Variants in PTPRK observed in about 807,000 individuals in gnomAD.
PTPRK encodes protein tyrosine phosphatase receptor type K, also known as receptor-type tyrosine-protein phosphatase kappa.
PTPRK carries 75 observed loss-of-function variants against 178.0 expected under a neutral mutation model. That is an observed-to-expected ratio of 0.42 (90% CI 0.35 to 0.51). The LOEUF (loss-of-function observed/expected upper bound fraction) is 0.51, where lower values mean the gene tolerates loss of function less well. Among genes scored for constraint, PTPRK ranks in the 20% least tolerant of loss-of-function variants. PTPRK has a pLI of 0.02. For synonymous variants in PTPRK, 637 were observed against 620.6 expected (o/e 1.03, Z -0.39); for missense variants, 1,441 against 1,797.8 (o/e 0.80, Z 3.59).
At chr6:128,232,502 C>T (rs187475533) in intron 5 of PTPRK, among the ~76,000 whole-genome samples, 1 of 152,274 alleles carries the variant, frequency 6.6e-6, no homozygotes, top group Admixed American at 6.5e-5. Flanking sequence ...CCTCCTGGAG[C>T]AGCTCATTGT....
Position 127,996,991 on chromosome 6 carries a change from G to A in PTPRK, c.2680-3C>T. On this transcript the variant is annotated splice_polypyrimidine_tract_variant and splice_region_variant and intron_variant, in intron 16 of 29. Coordinates refer to ENST00000368226, the MANE Select transcript of PTPRK (RefSeq NM_002844.4). ...GCTGACTGTCCTTCAAAAAAGCTCTGGGAAAACAAAACGAATAAGCAGACT... is the reference window on the plus strand; with the variant it reads ...GCTGACTGTCCTTCAAAAAAGCTCTAGGAAAACAAAACGAATAAGCAGACT... 1 of 1,610,356 alleles carries A rather than the reference G, an allele frequency of 6.2e-7. No individual in the cohort carries two copies. The highest frequency in any genetic ancestry group is 8.5e-7 in the Non-Finnish European group (1 of 1,177,974).
At chr6:128,447,550 C>T (rs1010353449) in intron 1 of PTPRK, among the ~76,000 whole-genome samples, 4 of 151,850 alleles carry the variant, frequency 2.6e-5, no homozygotes, top group African/African-American at 9.7e-5. Flanking sequence ...AGATCTGACC[C>T]ATGCTTAATC....
chr6:128,189,880 A>G (rs555454352), intron 6 of PTPRK, among the ~76,000 whole-genome samples: 1 of 152,310 alleles, frequency 6.6e-6, no homozygotes, highest in African/African-American at 2.4e-5. Context: ...GGAAGAAGAA[A>G]GACATCATTG....
chr6:128,155,925 G>A (rs1449457370), intron 7 of PTPRK, among the ~76,000 whole-genome samples: 2 of 151,842 alleles, frequency 1.3e-5, no homozygotes, highest in Non-Finnish European at 2.9e-5. Context: ...TAAAAATATT[G>A]GGAAGCATTC....
rs1289183103 is a variant in PTPRK at position 127,985,768 on chromosome 6, G to C, written c.3204C>G (p.Val1068=). The C allele has an allele frequency of 1.9e-6, 3 of 1,613,926 alleles. No individual in the cohort carries two copies. Among genetic ancestry groups the C allele is most frequent in the Non-Finnish European group, 2.5e-6 (3 of 1,179,886 alleles). ...CAGCACTGGGAGGGTTTGATAACTTGACTCGCCGGATAAAGGAAAGCAGCC... is the reference window on the plus strand; with the variant it reads ...CAGCACTGGGAGGGTTTGATAACTTCACTCGCCGGATAAAGGAAAGCAGCC... ...ATGLLSFIRR[V]KLSNPPSAGP... is the part of the protein sequence containing the mutation. The change falls in exon 22 of 30, where the codon GTC becomes GTG. Residue 1068 remains valine, a synonymous_variant. Transcript: ENST00000368226.
chr6:128,377,975 A>G (rs1837339919), intron 2 of PTPRK, among the ~76,000 whole-genome samples: 1 of 152,082 alleles, frequency 6.6e-6, no homozygotes, highest in Non-Finnish European at 1.5e-5. Flanking sequence ...GCTCTGCTTA[A>G]CTCCAATATA....
At chr6:128,004,977 T>C in intron 15 of PTPRK, 107 bp downstream of exon 15, 1 of 913,356 alleles carries the variant, frequency 1.1e-6, no homozygotes, top group Non-Finnish European at 1.6e-6. Context: ...TCTAGCTGCT[T>C]CTCCCCTCAC....
At chr6:128,333,088 T>C (rs17055730) in intron 2 of PTPRK, among the ~76,000 whole-genome samples, 5,740 of 152,172 alleles carry the variant, frequency 0.038, 379 homozygotes, top group African/African-American at 0.13. Context: ...CAAAAGGCAA[T>C]AAAGGCTTTG....
intron 11 of PTPRK, among the ~76,000 whole-genome samples, chr6:128,075,484 A>T (rs1783642323): frequency 6.6e-6 from 1 of 151,974 alleles, no homozygotes; most frequent in Non-Finnish European, 1.5e-5. Context: ...ACCTTTGGCC[A>T]TGCTCATTTC....
chr6:128,444,182 A>G (rs947920775), intron 1 of PTPRK, among the ~76,000 whole-genome samples: 3 of 152,136 alleles, frequency 2.0e-5, no homozygotes, highest in Non-Finnish European at 4.4e-5. Flanking sequence ...AGGCTCTTCT[A>G]AGCCCATTTC....
chr6:128,516,173 GA>G (rs748481803), intron 1 of PTPRK, among the ~76,000 whole-genome samples: 4 of 152,092 alleles, frequency 2.6e-5, no homozygotes, highest in Non-Finnish European at 5.9e-5. Flanking sequence ...GTTTTTGCTA[GA>G]AAAGAGTAGG....
At chr6:128,202,327 T>G (rs2128258765) in intron 6 of PTPRK, among the ~76,000 whole-genome samples, 1 of 152,298 alleles carries the variant, frequency 6.6e-6, no homozygotes, top group East Asian at 1.9e-4. Flanking sequence ...CGTAAATATT[T>G]GCAACCTGCA....
At chr6:128,011,174 A>C (rs913872095) in intron 13 of PTPRK, among the ~76,000 whole-genome samples, 1 of 151,248 alleles carries the variant, frequency 6.6e-6, no homozygotes, top group African/African-American at 2.4e-5. Context: ...TACTACTTCA[A>C]ATAGGAAGAG....
intron 13 of PTPRK, among the ~76,000 whole-genome samples, chr6:128,033,323 T>C (rs987955856): frequency 6.6e-6 from 1 of 152,194 alleles, no homozygotes; most frequent in African/African-American, 2.4e-5. Context: ...GTGAAAGTTA[T>C]TGAAGTCAGA....
chr6:128,175,386 A>T (rs1160647479), intron 7 of PTPRK, among the ~76,000 whole-genome samples: 2 of 151,870 alleles, frequency 1.3e-5, no homozygotes, highest in Non-Finnish European at 1.5e-5. Flanking sequence ...AGTTATGTGG[A>T]AAAAAGGTAC....
intron 2 of PTPRK, among the ~76,000 whole-genome samples, chr6:128,376,486 A>G (rs1449906152): frequency 6.6e-6 from 1 of 152,174 alleles, no homozygotes; most frequent in Non-Finnish European, 1.5e-5. Context: ...TCACAAAACC[A>G]TCTTTTTCTC....
chr6:128,269,755 G>T (rs1819509094), intron 3 of PTPRK, among the ~76,000 whole-genome samples: 3 of 151,980 alleles, frequency 2.0e-5, no homozygotes, highest in Non-Finnish European at 4.4e-5. Context: ...TTCATCAGCT[G>T]ATTTTAATAT....
intron 2 of PTPRK, among the ~76,000 whole-genome samples, chr6:128,387,655 T>C (rs1838939358): frequency 6.6e-6 from 1 of 151,988 alleles, no homozygotes; most frequent in African/African-American, 2.4e-5. Context: ...GTTTTGGAGG[T>C]TTTTTTAAAT....
intron 1 of PTPRK, among the ~76,000 whole-genome samples, chr6:128,445,384 T>C (rs997198720): frequency 1.3e-5 from 2 of 148,374 alleles, no homozygotes; most frequent in Non-Finnish European, 3.0e-5. Flanking sequence ...TATATTTGTA[T>C]AATATGCTTA....
Sources: gnomAD v4.1 joint callset for allele counts (sites outside exome capture counted in the v4.1 genomes callset) on GRCh38, gnomAD v4.1.1 for gene constraint, MANE v1.5 for transcripts, NCBI Gene and HGNC (gene_info 2026-07-23, HGNC 2026-07-21) for gene names.